Variants in FAM200A observed in about 807,000 individuals in gnomAD.
FAM200A encodes the protein ZBED8 like.
Under a neutral mutation model 44.2 loss-of-function variants are expected in FAM200A, and 26 were observed. The observed-to-expected ratio is 0.59, with a 90% CI of 0.43 to 0.82. The LOEUF is 0.82. Among genes scored for constraint, FAM200A ranks in the 40% least tolerant of loss-of-function variants. The pLI, the probability that FAM200A is intolerant of heterozygous loss-of-function variation, is 0.00. For missense variants in FAM200A, 606 were observed against 669.5 expected (o/e 0.91, Z 1.05); for synonymous variants, 206 against 244.4 (o/e 0.84, Z 1.47).
At position 99,546,529 on chromosome 7, in the gene FAM200A, TG is replaced by T; in HGVS notation, c.*156del. On this transcript the variant is annotated 3_prime_UTR_variant, in exon 2 of 2. Coordinates refer to ENST00000449309, the MANE Select transcript of FAM200A (RefSeq NM_145111.4). ...GACTGCAGGCATGTGCCACCACGCCTGGCTAAGGTTTCTATTTTTAGTAGAG... is the reference window on the plus strand; with the variant it reads ...GACTGCAGGCATGTGCCACCACGCCTGCTAAGGTTTCTATTTTTAGTAGAG... The T allele has an allele frequency of 1.4e-6, 1 of 727,524 alleles. No homozygotes were observed. Among genetic ancestry groups the T allele is most frequent in the Non-Finnish European group, 2.0e-6 (1 of 503,774 alleles). The allele number at this position is 727,524 out of a possible 1,614,324, so 45.1% of individuals were successfully genotyped here. A position where few individuals can be genotyped will look rare whatever the true frequency, so the allele number is the denominator to read the frequency against.
chr7:99,548,876 C>CTT lies in FAM200A; in HGVS notation c.-99-372_-99-371dup, dbSNP rs769162310. Among the ~76,000 whole-genome samples the CTT allele has an allele frequency of 8.6e-3, 785 of 91,326 alleles. 13 individuals are homozygous for CTT. The highest frequency in any genetic ancestry group is 0.017 in the South Asian group (36 of 2,120). The allele number at this position is 91,326 out of a possible 152,430, so 59.9% of individuals were successfully genotyped here. A position where few individuals can be genotyped will look rare whatever the true frequency, so the allele number is the denominator to read the frequency against. On this transcript the variant is annotated intron_variant, in intron 1 of 1. Coordinates refer to ENST00000449309, the MANE Select transcript of FAM200A (RefSeq NM_145111.4). ...AACTCTAAAAAGTGATCTGGTCATTCTTTTTTTTTTTTTTTTTTTTGAGAT... is the reference window on the plus strand; with the variant it reads ...AACTCTAAAAAGTGATCTGGTCATTCTTTTTTTTTTTTTTTTTTTTTTGAGAT...
At chr7:99,553,882 T>G (rs1320757239), upstream of FAM200A, among the ~76,000 whole-genome samples, 2 of 152,310 alleles carry the variant, frequency 1.3e-5, no homozygotes, top group Non-Finnish European at 2.9e-5. Context: ...TTTTGTAGCT[T>G]CGAGTTCACT....
chr7:99,546,577 C>T lies in FAM200A; in HGVS notation c.*109G>A, dbSNP rs1754994498. On this transcript the variant is annotated 3_prime_UTR_variant, in exon 2 of 2. Transcript: ENST00000449309. ...AGAGATGGGGTTTCACCATGTTGGC[C>T]AGGCTGGTCTTGAACTCAAGTGATC... 1 of 1,208,130 alleles carries T rather than the reference C, an allele frequency of 8.3e-7. No individual in the cohort carries two copies. The highest frequency in any genetic ancestry group is 1.1e-6 in the Non-Finnish European group (1 of 922,192). The allele number at this position is 1,208,130 out of a possible 1,614,324, so 74.8% of individuals were successfully genotyped here. A position where few individuals can be genotyped will look rare whatever the true frequency, so the allele number is the denominator to read the frequency against.
At position 99,546,705 on chromosome 7, in the gene FAM200A, T is replaced by G. The variant is rs1420193049; in HGVS notation, c.1703A>C (p.Gln568Pro). 4.6e-6 allele frequency: 7 copies of G among 1,531,896 alleles called. No individual in the cohort carries two copies. The highest frequency in any genetic ancestry group is 4.3e-5 in the Admixed American group (2 of 46,130). 94.9% of individuals were successfully genotyped at this position (1,531,896 alleles called of 1,614,324 possible). A position where few individuals can be genotyped will look rare whatever the true frequency, so the allele number is the denominator to read the frequency against. Residue 568 changes from glutamine to proline, a missense_variant, in exon 2 of 2, where the codon CAA becomes CCA. Gln to Pro is a moderately conservative substitution (Grantham distance 76, BLOSUM62 -1). Coordinates refer to ENST00000449309, the MANE Select transcript of FAM200A (RefSeq NM_145111.4). ...VPDWKELMNR[Q>P]AHPSH ...TTGTATTTAATGTGATGGGTGTGCT[T>G]GTCTGTTCATAAGTTCCTTCCAGTC...
rs142404244 is a variant in FAM200A at position 99,546,768 on chromosome 7, G to A, written c.1640C>T (p.Ala547Val). Reference sequence around the variant, plus strand: ...AGATAATGCTACCCGCATATCTGGTGCACTATTGAGCCTATTTCTCTTCTT... The same window carrying A: ...AGATAATGCTACCCGCATATCTGGTACACTATTGAGCCTATTTCTCTTCTT... ...KTKKRNRLNS[A>V]PDMRVALSSC... The change falls in exon 2 of 2, where the codon GCA becomes GTA. Residue 547 changes from alanine (A) to valine (V), a missense_variant. Coordinates refer to ENST00000449309, the MANE Select transcript of FAM200A (RefSeq NM_145111.4). 47 of 1,551,288 alleles carry A rather than the reference G, an allele frequency of 3.0e-5. 1 individual carries two copies. In the African/African-American group the frequency reaches 4.8e-4, roughly 16 times the overall value.
chr7:99,550,048 T>TA (rs60499530), intron 1 of FAM200A, among the ~76,000 whole-genome samples: 5 of 150,148 alleles, frequency 3.3e-5, no homozygotes, highest in Non-Finnish European at 5.9e-5. Context: ...TAAAGTATAA[T>TA]AAAAAAAAGT....
In FAM200A at chr7:99,548,476, C is replaced by A; in HGVS notation, c.-69G>T. The A allele has an allele frequency of 6.5e-7, 1 of 1,544,218 alleles. No homozygotes were observed. Among genetic ancestry groups the A allele is most frequent in the Non-Finnish European group, 8.7e-7 (1 of 1,149,132 alleles). ...TGTTTTGCAGGGCTGTCCTTTGTGA[C>A]CTAGGTTTTATGAGATCAGGTTTTG... On this transcript the variant is annotated 5_prime_UTR_variant, in exon 2 of 2. Coordinates refer to ENST00000449309, the MANE Select transcript of FAM200A (RefSeq NM_145111.4).
Position 99,551,875 on chromosome 7 carries a change from C to A in FAM200A, c.-121G>T, listed in dbSNP as rs1218805484. 6.1e-6 allele frequency: 6 copies of A among 985,426 alleles called. No individual in the cohort carries two copies. The highest frequency in any genetic ancestry group is 7.2e-6 in the Non-Finnish European group (6 of 830,014). The allele number at this position is 985,426 out of a possible 1,614,324, so 61.0% of individuals were successfully genotyped here. On this transcript the variant is annotated 5_prime_UTR_variant, in exon 1 of 2. Coordinates refer to ENST00000449309, the MANE Select transcript of FAM200A (RefSeq NM_145111.4). ...CCACCTGTATCCAGGGACACCTCTGCTGGGGGACAGCGCTTGCCACCGCCG... is the reference window on the plus strand; with the variant it reads ...CCACCTGTATCCAGGGACACCTCTGATGGGGGACAGCGCTTGCCACCGCCG...
At chr7:99,553,099 A>ATATATATATATTTT (rs1254408398), upstream of FAM200A, among the ~76,000 whole-genome samples, 1 of 61,418 alleles carries the variant, frequency 1.6e-5, no homozygotes, top group Non-Finnish European at 2.6e-5. Flanking sequence ...ATATATATAT[A>ATATATATATATTTT]TTTTTTTTTT....
At position 99,547,528 on chromosome 7, in the gene FAM200A, G is replaced by A; in HGVS notation, c.880C>T (p.His294Tyr). 7.1e-6 allele frequency: 11 copies of A among 1,550,734 alleles called. No individual in the cohort carries two copies. The highest frequency in any genetic ancestry group is 9.6e-6 in the Non-Finnish European group (11 of 1,146,588). The change falls in exon 2 of 2, where the codon CAC (histidine) becomes TAC (tyrosine). Residue 294 changes from histidine to tyrosine, a missense_variant. Transcript: ENST00000449309. ...CGAACTTCTGTATGAAACAATAAGT[G>A]GGTGTGGTTCACTCCAATCTCTGAA... is the stretch of plus-strand genomic sequence containing the variant. ...FCSEIGVNHT[H>Y]LLFHTEVRWL...
intron 1 of FAM200A, among the ~76,000 whole-genome samples, chr7:99,550,110 A>ACC (rs927371816): frequency 1.3e-5 from 2 of 148,188 alleles, no homozygotes; most frequent in East Asian, 2.0e-4. Context: ...TACTAAATGA[A>ACC]CCCCCCCCTT....
chr7:99,553,084 T>TATAC (rs1562927129), upstream of FAM200A, among the ~76,000 whole-genome samples: 1 of 97,044 alleles, frequency 1.0e-5, no homozygotes, highest in African/African-American at 6.0e-5. Context: ...TATATATATA[T>TATAC]ATATATATAT....
upstream of FAM200A, among the ~76,000 whole-genome samples, chr7:99,554,103 T>G (rs1483667484): frequency 6.6e-6 from 1 of 152,170 alleles, no homozygotes; most frequent in African/African-American, 2.4e-5. Flanking sequence ...TGGTAGCTGG[T>G]ATCTCTAAGA....
chr7:99,547,068 T>G lies in FAM200A; in HGVS notation c.1340A>C (p.Lys447Thr). ...TGGATCTTTCATCCAAATATTTTCC[T>G]TTAATGATTCAAATTTCTCTTCCGG... ...YFPEEKFESL[K>T]ENIWMKDPFA... The change falls in exon 2 of 2, where the codon AAG (lysine) becomes ACG (threonine). Residue 447 changes from lysine (K) to threonine (T), a missense_variant. Transcript: ENST00000449309. 1 of 1,546,716 alleles carries G rather than the reference T, an allele frequency of 6.5e-7. No homozygotes were observed. Among genetic ancestry groups the G allele is most frequent in the Non-Finnish European group, 8.7e-7 (1 of 1,145,878 alleles).
chr7:99,552,136 C>A (rs1188204346), upstream of FAM200A: 1 of 985,480 alleles, frequency 1.0e-6, no homozygotes, highest in African/African-American at 1.7e-5. Flanking sequence ...GTGCGTCACA[C>A]CCGCCTTCCG....
chr7:99,556,248 A>T (rs1415312076), upstream of FAM200A, among the ~76,000 whole-genome samples: 1 of 152,150 alleles, frequency 6.6e-6, no homozygotes. Context: ...TGTCATCAAT[A>T]TATGGACCAT....
chr7:99,551,050 G>C (rs576443902), intron 1 of FAM200A, among the ~76,000 whole-genome samples: 1 of 152,014 alleles, frequency 6.6e-6, no homozygotes, highest in East Asian at 2.0e-4. Context: ...ACTCCAGCCT[G>C]GGCGACTCTG....
chr7:99,549,710 T>A (rs527344991), intron 1 of FAM200A, among the ~76,000 whole-genome samples: 1 of 152,344 alleles, frequency 6.6e-6, no homozygotes, highest in South Asian at 2.1e-4. Context: ...CATGGAATAC[T>A]ATGCAGCCAT....
upstream of FAM200A, among the ~76,000 whole-genome samples, chr7:99,553,093 ATATATATTTT>A (rs1224179477): frequency 1.9e-3 from 175 of 90,418 alleles, no homozygotes; most frequent in African/African-American, 4.2e-3. Context: ...ATATATATAT[ATATATATTTT>A]TTTTTTTTTT....
Sources: gnomAD v4.1 joint callset for allele counts (sites outside exome capture counted in the v4.1 genomes callset) on GRCh38, gnomAD v4.1.1 for gene constraint, MANE v1.5 for transcripts, NCBI Gene and HGNC (gene_info 2026-07-23, HGNC 2026-07-21) for gene names.